The following TASP1 variants were observed in gnomAD, a reference collection of about 807,000 sequenced individuals.
The protein encoded by TASP1 is taspase 1.
Under a neutral mutation model 56.6 loss-of-function variants are expected in TASP1, and 16 were observed. That is an observed-to-expected ratio of 0.28 (90% CI 0.19 to 0.43). The LOEUF is 0.43. Among genes scored for constraint, TASP1 ranks in the 20% least tolerant of loss-of-function variants. The pLI is 1.00. For missense variants in TASP1, 393 were observed against 511.6 expected (o/e 0.77, Z 2.24); for synonymous variants, 179 against 184.2 (o/e 0.97, Z 0.23).
chr20:13,634,358 T>C (rs2049209131), intron 1 of TASP1, among the ~76,000 whole-genome samples: 1 of 152,214 alleles, frequency 6.6e-6, no homozygotes, highest in African/African-American at 2.4e-5. Flanking sequence ...AGATCTGTGA[T>C]TGCTTAGAGC....
At chr20:13,508,269 G>A (rs944111761) in intron 10 of TASP1, among the ~76,000 whole-genome samples, 1 of 151,626 alleles carries the variant, frequency 6.6e-6, no homozygotes, top group Admixed American at 6.6e-5. Flanking sequence ...CAAACTGAAA[G>A]GTTTCTGCAC....
chr20:13,532,219 C>A (rs1353671598), intron 9 of TASP1, among the ~76,000 whole-genome samples: 6 of 152,202 alleles, frequency 3.9e-5, no homozygotes, highest in Non-Finnish European at 7.3e-5. Flanking sequence ...AATTACCATT[C>A]ACCATCTGCA....
At chr20:13,578,169 G>A (rs1210220814) in intron 6 of TASP1, among the ~76,000 whole-genome samples, 1 of 150,302 alleles carries the variant, frequency 6.7e-6, no homozygotes, top group Non-Finnish European at 1.5e-5. Context: ...GTTGGTTTTT[G>A]TTAATTTTGC....
chr20:13,344,289 G>C, the TASP1 span, among the ~76,000 whole-genome samples: 439 of 151,398 alleles, frequency 2.9e-3, 2 homozygotes, highest in Non-Finnish European at 4.1e-3. Context: ...ACACACACAC[G>C]CACACACACA....
the TASP1 span, among the ~76,000 whole-genome samples, chr20:13,213,845 C>A: frequency 6.6e-6 from 1 of 152,020 alleles, no homozygotes; most frequent in African/African-American, 2.4e-5. Flanking sequence ...ACACATAATC[C>A]GAAATTAATC....
the TASP1 span, chr20:13,168,098 A>T: frequency 6.6e-6 from 1 of 151,994 alleles, no homozygotes; most frequent in Non-Finnish European, 1.5e-5. Context: ...TTTGGGTAAA[A>T]TTATGCCTTC....
chr20:13,429,624 GTGTGTGTGTGTCTGTC>G (rs1427978855), intron 12 of TASP1, among the ~76,000 whole-genome samples: 2 of 151,682 alleles, frequency 1.3e-5, no homozygotes, highest in South Asian at 2.1e-4. Context: ...GAGTGTGTGT[GTGTGTGTGTGTCTGTC>G]TGTGTGTGTG....
At chr20:13,162,386 G>A in the TASP1 span, among the ~76,000 whole-genome samples, 2 of 152,190 alleles carry the variant, frequency 1.3e-5, no homozygotes, top group Admixed American at 1.3e-4. Flanking sequence ...CAAAACACCT[G>A]CTTTGAAAGG....
At chr20:13,559,267 G>T (rs926152111) in intron 7 of TASP1, among the ~76,000 whole-genome samples, 153 bp from the exon 8 acceptor site, 1 of 152,138 alleles carries the variant, frequency 6.6e-6, no homozygotes, top group African/African-American at 2.4e-5. Context: ...TACAGGGATA[G>T]TAGGAGAATA....
the TASP1 span, among the ~76,000 whole-genome samples, chr20:13,307,460 T>C: frequency 1.3e-5 from 2 of 152,218 alleles, no homozygotes; most frequent in Non-Finnish European, 2.9e-5. Flanking sequence ...ATGTTCTATA[T>C]ATTGTGTGGT....
the TASP1 span, among the ~76,000 whole-genome samples, chr20:13,204,969 A>T: frequency 2.6e-5 from 4 of 151,854 alleles, no homozygotes; most frequent in Non-Finnish European, 5.9e-5. Flanking sequence ...TCCAAGAGAG[A>T]CCTCTTGGAG....
chr20:13,612,794 G>A (rs753156298), intron 4 of TASP1, among the ~76,000 whole-genome samples: 35 of 152,142 alleles, frequency 2.3e-4, no homozygotes, highest in Non-Finnish European at 4.1e-4. Flanking sequence ...CAGGGTTTAC[G>A]GAAGAAAAAT....
the TASP1 span, among the ~76,000 whole-genome samples, chr20:13,336,456 C>T: frequency 5.3e-5 from 8 of 152,174 alleles, no homozygotes; most frequent in Middle Eastern, 3.4e-3. Context: ...GCCCTGTGCC[C>T]GCAGTGGAAG....
At chr20:13,402,506 T>A (rs766627181) in intron 13 of TASP1, among the ~76,000 whole-genome samples, 3 of 152,222 alleles carry the variant, frequency 2.0e-5, no homozygotes, top group African/African-American at 7.2e-5. Flanking sequence ...CTGTGGTTTA[T>A]AAGTGCACTT....
At chr20:13,407,879 T>C (rs761125206) in intron 13 of TASP1, among the ~76,000 whole-genome samples, 1 of 152,196 alleles carries the variant, frequency 6.6e-6, no homozygotes, top group Non-Finnish European at 1.5e-5. Context: ...TATATCGTCT[T>C]TAGAAAAATG....
the TASP1 span, among the ~76,000 whole-genome samples, chr20:13,362,003 A>G: frequency 6.7e-6 from 1 of 149,850 alleles, no homozygotes; most frequent in Non-Finnish European, 1.5e-5. Flanking sequence ...ATCACCAATC[A>G]TTCTATACCA....
At chr20:13,275,333 T>A in the TASP1 span, among the ~76,000 whole-genome samples, 1 of 152,222 alleles carries the variant, frequency 6.6e-6, no homozygotes, top group East Asian at 1.9e-4. Context: ...CTTCTACTTT[T>A]GATTTTGCCT....
chr20:13,316,590 T>C, the TASP1 span, among the ~76,000 whole-genome samples: 4 of 151,874 alleles, frequency 2.6e-5, no homozygotes, highest in Non-Finnish European at 4.4e-5. Flanking sequence ...TTATGCCCCA[T>C]GACCAAGTGG....
chr20:13,498,680 C>A (rs1023331849), intron 10 of TASP1, among the ~76,000 whole-genome samples: 4 of 146,614 alleles, frequency 2.7e-5, no homozygotes, highest in African/African-American at 7.5e-5. Context: ...ATACAAATGG[C>A]CAACAAACAT....
Sources: gnomAD v4.1 joint callset for allele counts (sites outside exome capture counted in the v4.1 genomes callset) on GRCh38, gnomAD v4.1.1 for gene constraint, MANE v1.5 for transcripts, NCBI Gene and HGNC (gene_info 2026-07-23, HGNC 2026-07-21) for gene names.